The following EIF3L variants were observed in gnomAD, a reference collection of about 807,000 sequenced individuals.
EIF3L encodes eIEF associated protein HSPC021.
A neutral mutation model predicts 74.6 loss-of-function variants in EIF3L; 32 were observed. That is an observed-to-expected ratio of 0.43 (90% CI 0.32 to 0.58). EIF3L has a LOEUF of 0.58. EIF3L is among the 20% of genes least tolerant of loss of function. EIF3L has a pLI of 0.06. For missense variants in EIF3L, 474 were observed against 707.8 expected, an observed-to-expected ratio of 0.67 and a Z score of 3.75; for synonymous variants, 256 against 254.4, an observed-to-expected ratio of 1.01 and a Z score of -0.06.
chr22:37,862,485 T>C (rs1925910280), intron 5 of EIF3L, among the ~76,000 whole-genome samples: 2 of 152,214 alleles, frequency 1.3e-5, no homozygotes, highest in Non-Finnish European at 2.9e-5. Context: ...CATGGCTGTG[T>C]TCCAGTAAAA....
At chr22:37,871,605 C>T (rs1480813174) in intron 8 of EIF3L, among the ~76,000 whole-genome samples, 3 of 152,168 alleles carry the variant, frequency 2.0e-5, no homozygotes, top group South Asian at 2.1e-4. Context: ...CCATGGCTCA[C>T]GCCTATTATC....
At chr22:37,868,931 C>T (rs375099297) in intron 7 of EIF3L, among the ~76,000 whole-genome samples, 6 of 151,714 alleles carry the variant, frequency 4.0e-5, no homozygotes, top group Admixed American at 6.6e-5. Flanking sequence ...CATGAGCCAC[C>T]GCACCCGGCC....
chr22:37,881,800 G>A (rs1927062721), intron 11 of EIF3L: 1 of 152,158 alleles, frequency 6.6e-6, no homozygotes, highest in Non-Finnish European at 1.5e-5. Flanking sequence ...TTCCCAAAAT[G>A]TTCTGTTACT....
intron 3 of EIF3L, among the ~76,000 whole-genome samples, chr22:37,853,370 G>A (rs1055505410): frequency 3.9e-5 from 6 of 152,226 alleles, no homozygotes; most frequent in African/African-American, 1.4e-4. Context: ...GAAAGGAAAG[G>A]ACAGTTGGAA....
chr22:37,850,117 A>G (rs1925106530), intron 2 of EIF3L, 54 bp downstream of exon 2: 1 of 1,601,156 alleles, frequency 6.2e-7, no homozygotes, highest in Non-Finnish European at 8.6e-7. Flanking sequence ...TTCCTTTGGA[A>G]TGTCTTAGAA....
intron 10 of EIF3L, chr22:37,877,323 A>C: frequency 4.5e-6 from 1 of 224,216 alleles, no homozygotes; most frequent in Non-Finnish European, 8.9e-6. Context: ...GCACATTACT[A>C]TTTAGTCTAT....
At chr22:37,871,871 GGAAAAAA>G (rs1350211314) in intron 8 of EIF3L, among the ~76,000 whole-genome samples, 3 of 111,578 alleles carry the variant, frequency 2.7e-5, no homozygotes, top group Non-Finnish European at 3.8e-5. Flanking sequence ...TCTGTCTCGG[GGAAAAAA>G]AAAAAAAAAA....
At chr22:37,853,722 T>TAA (rs1925350899) in intron 3 of EIF3L, among the ~76,000 whole-genome samples, 1 of 152,242 alleles carries the variant, frequency 6.6e-6, no homozygotes, top group Non-Finnish European at 1.5e-5. Flanking sequence ...ATGTAATCAG[T>TAA]ATTTAAAAAT....
intron 4 of EIF3L, 49 bp downstream of exon 4, chr22:37,855,693 T>C (rs1329338059): frequency 3.3e-6 from 5 of 1,496,588 alleles, no homozygotes; most frequent in Non-Finnish European, 4.6e-6. Context: ...ATCCAGTGGC[T>C]GAGTCATTAG....
chr22:37,858,091 A>C (rs886392871), intron 4 of EIF3L, among the ~76,000 whole-genome samples: 2 of 151,806 alleles, frequency 1.3e-5, no homozygotes, highest in African/African-American at 4.8e-5. Context: ...TGGAAGGATC[A>C]CTTGAGCCCT....
chr22:37,867,720 C>T (rs1236247816), intron 7 of EIF3L, among the ~76,000 whole-genome samples: 1 of 149,642 alleles, frequency 6.7e-6, no homozygotes, highest in Admixed American at 6.7e-5. Context: ...TTTGGGAGGC[C>T]GAGGCAGGCG....
chr22:37,875,736 T>G, intron 9 of EIF3L, 105 bp from the exon 10 acceptor site: 1 of 1,060,896 alleles, frequency 9.4e-7, no homozygotes. Flanking sequence ...GAGCTTCCTC[T>G]GGATAGTTGA....
intron 8 of EIF3L, 70 bp from the exon 9 acceptor site, chr22:37,874,300 A>G (rs1462896556): frequency 6.6e-7 from 1 of 1,523,786 alleles, no homozygotes; most frequent in Non-Finnish European, 8.9e-7. Flanking sequence ...CTACTGAGTA[A>G]CATTCAGAGG....
intron 3 of EIF3L, among the ~76,000 whole-genome samples, chr22:37,852,201 G>A (rs540175211): frequency 6.6e-6 from 1 of 152,174 alleles, no homozygotes; most frequent in Admixed American, 6.5e-5. Flanking sequence ...TTTATTACCA[G>A]GATAGATCCA....
At position 37,850,016 on chromosome 22, in the gene EIF3L, C is replaced by T. The variant is rs1925093777; in HGVS notation, c.35C>T (p.Ala12Val). The change falls in exon 2 of 13, where the codon GCG becomes GTG. Residue 12 changes from alanine (A) to valine (V), a missense_variant and splice_region_variant. Transcript: ENST00000652021. Reference protein sequence around the residue: ...SYPADDYESEAAYDPYAYPSD... With the variant: ...SYPADDYESEVAYDPYAYPSD... The stretch of plus-strand genomic sequence containing the variant: ...TTGACTGTGTCTCTTTCCTTCTAGG[C>T]GGCTTATGACCCCTACGCTTATCCC... 2 of 1,613,542 alleles carry T rather than the reference C, an allele frequency of 1.2e-6. No individual in the cohort carries two copies. Among genetic ancestry groups the T allele is most frequent in the African/African-American group, 2.7e-5 (2 of 74,848 alleles).
chr22:37,863,836 C>T (rs1481132764), intron 7 of EIF3L, among the ~76,000 whole-genome samples: 2 of 151,810 alleles, frequency 1.3e-5, no homozygotes, highest in Non-Finnish European at 2.9e-5. Context: ...GAGGCAGAGG[C>T]GGGCAGATCA....
intron 4 of EIF3L, among the ~76,000 whole-genome samples, chr22:37,858,130 C>G (rs1925634356): frequency 6.6e-6 from 1 of 150,662 alleles, no homozygotes; most frequent in Middle Eastern, 3.2e-3. Context: ...GAGCCATGAT[C>G]ATATCACTGC....
intron 8 of EIF3L, among the ~76,000 whole-genome samples, chr22:37,873,383 C>T (rs987954200): frequency 1.3e-4 from 19 of 151,100 alleles, no homozygotes; most frequent in African/African-American, 4.1e-4. Context: ...ACTGCAAGCT[C>T]CGCCTCCCGG....
intron 7 of EIF3L, among the ~76,000 whole-genome samples, chr22:37,863,618 A>G (rs1467511645): frequency 2.6e-5 from 4 of 152,188 alleles, no homozygotes; most frequent in Non-Finnish European, 5.9e-5. Flanking sequence ...GTAAGAACAC[A>G]GGCTTCACAG....
Sources: gnomAD v4.1 joint callset for allele counts (sites outside exome capture counted in the v4.1 genomes callset) on GRCh38, gnomAD v4.1.1 for gene constraint, MANE v1.5 for transcripts, NCBI Gene and HGNC (gene_info 2026-07-23, HGNC 2026-07-21) for gene names.